Variants in LRRC1 observed in about 807,000 individuals in gnomAD.
The protein encoded by LRRC1 is leucine-rich repeat-containing protein 1.
LRRC1 carries 28 observed loss-of-function variants against 69.9 expected under a neutral mutation model. That is an observed-to-expected ratio of 0.40 (90% CI 0.30 to 0.55). The LOEUF (loss-of-function observed/expected upper bound fraction) is 0.55. LRRC1 is among the 20% of genes least tolerant of loss of function. The pLI is 0.47. For missense variants in LRRC1, 498 were observed against 609.0 expected (o/e 0.82, Z 1.92); for synonymous variants, 236 against 240.2 (o/e 0.98, Z 0.16).
rs142666577 is a variant in LRRC1 at position 53,798,241 on chromosome 6, C to T, written c.159+2826C>T. Among the ~76,000 whole-genome samples the T allele has an allele frequency of 2.0e-3, 300 of 152,350 alleles. 4 individuals carry two copies. The East Asian group carries it at 0.041, about 21-fold the overall frequency. Reference sequence around the variant, plus strand: ...CAGTTTGGTTGCAGTTGGGTGATAGCCTCACCATCCTTTTTGCATCCACCT... The same window carrying T: ...CAGTTTGGTTGCAGTTGGGTGATAGTCTCACCATCCTTTTTGCATCCACCT... On this transcript the variant is annotated intron_variant, in intron 1 of 13. Coordinates refer to ENST00000370888, the MANE Select transcript of LRRC1 (RefSeq NM_018214.5).
At chr6:53,861,156 C>A (rs909183565) in intron 2 of LRRC1, among the ~76,000 whole-genome samples, 9 of 151,852 alleles carry the variant, frequency 5.9e-5, no homozygotes, top group Non-Finnish European at 8.8e-5. Flanking sequence ...GCATGTGTAC[C>A]TTTTGAACCT....
At chr6:53,809,634 A>G (rs561056127) in intron 1 of LRRC1, among the ~76,000 whole-genome samples, 5 of 152,344 alleles carry the variant, frequency 3.3e-5, no homozygotes, top group African/African-American at 9.6e-5. Flanking sequence ...TAAAAAGTTT[A>G]TATATTCTAA....
chr6:53,911,755 A>C (rs1163582897), intron 10 of LRRC1, among the ~76,000 whole-genome samples: 2 of 152,306 alleles, frequency 1.3e-5, no homozygotes, highest in Non-Finnish European at 2.9e-5. Context: ...ATTCTTTCTC[A>C]TGAGTAGATC....
At chr6:53,845,383 C>T (rs1463294188) in intron 2 of LRRC1, among the ~76,000 whole-genome samples, 3 of 152,228 alleles carry the variant, frequency 2.0e-5, no homozygotes, top group Admixed American at 6.5e-5. Flanking sequence ...CCTAGGTAAC[C>T]GAGTAGGCAA....
chr6:53,883,061 CTAT>C, intron 4 of LRRC1, 85 bp downstream of exon 4: 1 of 778,614 alleles, frequency 1.3e-6, no homozygotes, highest in South Asian at 1.7e-5. Context: ...TTTAAAGCTC[CTAT>C]TTGTCTACTC....
At chr6:53,862,571 C>G (rs1446703612) in intron 2 of LRRC1, among the ~76,000 whole-genome samples, 4 of 152,086 alleles carry the variant, frequency 2.6e-5, no homozygotes, top group Non-Finnish European at 5.9e-5. Flanking sequence ...TAGGTGAAAA[C>G]CTTTTTGATT....
chr6:53,795,036 C>T lies in LRRC1; in HGVS notation c.-221C>T. On this transcript the variant is annotated 5_prime_UTR_variant, in exon 1 of 14. Transcript: ENST00000370888. ...GGCGACTGGCGGGTGGGAGTGGAGGCACCGGCTGGCGGGCGGGGGTACAGG... is the reference window on the plus strand; with the variant it reads ...GGCGACTGGCGGGTGGGAGTGGAGGTACCGGCTGGCGGGCGGGGGTACAGG... 1 of 381,336 alleles carries T rather than the reference C, an allele frequency of 2.6e-6. No individual in the cohort carries two copies. The highest frequency in any genetic ancestry group is 4.2e-5 in the East Asian group (1 of 23,750). The allele number at this position is 381,336 out of a possible 1,614,324, so 23.6% of individuals were successfully genotyped here.
chr6:53,867,357 T>G (rs1766735263), intron 2 of LRRC1, among the ~76,000 whole-genome samples: 1 of 152,046 alleles, frequency 6.6e-6, no homozygotes, highest in African/African-American at 2.4e-5. Context: ...AATTGGTCTA[T>G]GCCTGGGCCG....
chr6:53,868,573 G>A (rs1287169304), intron 2 of LRRC1, among the ~76,000 whole-genome samples: 1 of 152,002 alleles, frequency 6.6e-6, no homozygotes, highest in Non-Finnish European at 1.5e-5. Flanking sequence ...GGAAAACAGC[G>A]GTCATCTCTT....
intron 1 of LRRC1, among the ~76,000 whole-genome samples, chr6:53,816,499 G>A (rs1764954110): frequency 6.6e-6 from 1 of 151,974 alleles, no homozygotes; most frequent in Non-Finnish European, 1.5e-5. Context: ...CACTGAGATG[G>A]AAATGCTAAG....
chr6:53,864,925 G>A (rs1212429876), intron 2 of LRRC1, among the ~76,000 whole-genome samples: 1 of 152,094 alleles, frequency 6.6e-6, no homozygotes, highest in African/African-American at 2.4e-5. Flanking sequence ...AGCAATTCCA[G>A]ATTTTCATTG....
intron 1 of LRRC1, among the ~76,000 whole-genome samples, chr6:53,804,761 C>A (rs913215323): frequency 4.6e-5 from 7 of 152,178 alleles, no homozygotes; most frequent in Admixed American, 6.5e-5. Flanking sequence ...CTTTAAGATA[C>A]ATTTCAAGAA....
At chr6:53,876,322 A>C (rs1767068420) in intron 2 of LRRC1, among the ~76,000 whole-genome samples, 1 of 152,136 alleles carries the variant, frequency 6.6e-6, no homozygotes, top group African/African-American at 2.4e-5. Context: ...CCCTCCCACA[A>C]CACATGGGAA....
chr6:53,825,669 C>A (rs147038049), intron 1 of LRRC1, among the ~76,000 whole-genome samples: 2 of 152,058 alleles, frequency 1.3e-5, no homozygotes, highest in East Asian at 3.9e-4. Flanking sequence ...CACTGCAGAC[C>A]TATTGAGTAA....
chr6:53,880,481 C>T (rs1051957276), intron 3 of LRRC1, among the ~76,000 whole-genome samples: 1 of 152,154 alleles, frequency 6.6e-6, no homozygotes, highest in Non-Finnish European at 1.5e-5. Context: ...ATATGTCTCT[C>T]CATCTTCATT....
rs1768090218 is a variant in LRRC1, at chr6:53,902,445, ATTATT to A, written c.788-180_788-176del. Among the ~76,000 whole-genome samples, 4 of 152,320 alleles carry A rather than the reference ATTATT, an allele frequency of 2.6e-5. No individual in the cohort carries two copies. In the South Asian group the frequency reaches 8.3e-4, roughly 32 times the overall value. On this transcript the variant is annotated intron_variant, in intron 8 of 13. Transcript: ENST00000370888. ...TGACCGTTTTTGATGTTCTAAACAA[ATTATT>A]TTAACTCCCAACCTTCAGTGATCTA... is the stretch of plus-strand genomic sequence containing the variant.
At chr6:53,894,784 C>G (rs1200856718) in intron 4 of LRRC1, among the ~76,000 whole-genome samples, 1 of 152,098 alleles carries the variant, frequency 6.6e-6, no homozygotes, top group African/African-American at 2.4e-5. Context: ...ACATCTCATC[C>G]TCCTCCCCTT....
At position 53,850,599 on chromosome 6, in the gene LRRC1, CTT is replaced by C. The variant is rs1271946095; in HGVS notation, c.277+8376_277+8377del. On this transcript the variant is annotated intron_variant, in intron 2 of 13. Coordinates refer to ENST00000370888, the MANE Select transcript of LRRC1 (RefSeq NM_018214.5). Reference sequence around the variant, plus strand: ...TATGAATTGTCATGGGATTCTTTCTCTTTTTATTATATAGCTGATACTGTGTT... The same window carrying C: ...TATGAATTGTCATGGGATTCTTTCTCTTTATTATATAGCTGATACTGTGTT... 5.9e-5 allele frequency among the ~76,000 whole-genome samples: 9 copies of C among 152,284 alleles called. No homozygotes were observed. The East Asian group carries it at 1.5e-3, about 26-fold the overall frequency.
chr6:53,861,301 C>A (rs1766507643), intron 2 of LRRC1, among the ~76,000 whole-genome samples: 1 of 151,742 alleles, frequency 6.6e-6, no homozygotes, highest in Non-Finnish European at 1.5e-5. Context: ...GAGTCCTACC[C>A]CAGGCTGACT....
Sources: gnomAD v4.1 joint callset for allele counts (sites outside exome capture counted in the v4.1 genomes callset) on GRCh38, gnomAD v4.1.1 for gene constraint, MANE v1.5 for transcripts, NCBI Gene and HGNC (gene_info 2026-07-23, HGNC 2026-07-21) for gene names.